GRM1: variants seen among roughly 807,000 people sequenced by gnomAD.
The protein encoded by GRM1 is glutamate metabotropic receptor 1.
Under a neutral mutation model 90.9 loss-of-function variants are expected in GRM1, and 33 were observed. That is an observed-to-expected ratio of 0.36 (90% CI 0.28 to 0.49). The LOEUF is 0.49. Ranked by LOEUF, GRM1 falls within the 20% of genes least tolerant of loss-of-function variation. GRM1 has a pLI of 0.99. For missense variants in GRM1, 1,190 were observed against 1,534.3 expected, an observed-to-expected ratio of 0.78 and a Z score of 3.75; for synonymous variants, 700 against 613.2, an observed-to-expected ratio of 1.14 and a Z score of -2.09.
intron 2 of GRM1, among the ~76,000 whole-genome samples, chr6:146,245,113 T>C (rs1338089663): frequency 6.6e-6 from 1 of 152,196 alleles, no homozygotes; most frequent in African/African-American, 2.4e-5. Flanking sequence ...GTTTACACTT[T>C]AACGACTCCC....
At chr6:146,327,362 G>T (rs921203697) in intron 3 of GRM1, among the ~76,000 whole-genome samples, 1 of 152,104 alleles carries the variant, frequency 6.6e-6, no homozygotes, top group African/African-American at 2.4e-5. Flanking sequence ...CTAGAGGTGG[G>T]CAACAAATAT....
At chr6:146,333,093 A>G (rs1272627085) in intron 3 of GRM1, among the ~76,000 whole-genome samples, 3 of 152,198 alleles carry the variant, frequency 2.0e-5, no homozygotes, top group African/African-American at 7.2e-5. Flanking sequence ...TGAATATTAT[A>G]TGGGACAATG....
intron 7 of GRM1, among the ~76,000 whole-genome samples, chr6:146,415,976 G>T (rs1181846210): frequency 6.6e-6 from 1 of 151,936 alleles, no homozygotes; most frequent in Admixed American, 6.6e-5. Context: ...CTAGAAACAG[G>T]GTCTACTTTG....
At chr6:146,268,588 G>C (rs1446813565) in intron 2 of GRM1, among the ~76,000 whole-genome samples, 2 of 152,088 alleles carry the variant, frequency 1.3e-5, no homozygotes, top group African/African-American at 2.4e-5. Flanking sequence ...GAAAATTCTG[G>C]TGTAGAGATT....
intron 2 of GRM1, among the ~76,000 whole-genome samples, chr6:146,226,941 A>T (rs1370284293): frequency 1.3e-5 from 2 of 152,062 alleles, no homozygotes; most frequent in African/African-American, 4.8e-5. Context: ...ACCCTCAGTA[A>T]ATAGGAGAAC....
intron 2 of GRM1, among the ~76,000 whole-genome samples, chr6:146,203,049 C>A (rs951627222): frequency 4.6e-5 from 7 of 151,818 alleles, no homozygotes; most frequent in African/African-American, 1.5e-4. Flanking sequence ...AAAAAATTAG[C>A]CGGGCGTGGT....
intron 1 of GRM1, among the ~76,000 whole-genome samples, chr6:146,038,429 A>G (rs1025689841): frequency 6.6e-6 from 1 of 152,002 alleles, no homozygotes; most frequent in Admixed American, 6.6e-5. Context: ...TTTATTATAC[A>G]GATAAGATGC....
chr6:146,248,938 T>C (rs1322603870), intron 2 of GRM1, among the ~76,000 whole-genome samples: 2 of 152,172 alleles, frequency 1.3e-5, no homozygotes, highest in Non-Finnish European at 2.9e-5. Flanking sequence ...ATTTTCAGCA[T>C]TTTTCCCCTG....
intron 5 of GRM1, among the ~76,000 whole-genome samples, chr6:146,381,632 C>A (rs1562654269): frequency 6.6e-6 from 1 of 152,090 alleles, no homozygotes; most frequent in Admixed American, 6.6e-5. Flanking sequence ...TTGTTGGTGT[C>A]CTTGGTGGGG....
chr6:146,218,696 C>T (rs915418928), intron 2 of GRM1, among the ~76,000 whole-genome samples: 8 of 152,122 alleles, frequency 5.3e-5, no homozygotes, highest in Admixed American at 3.3e-4. Context: ...TGCCATAAAA[C>T]GTCAGCTTCT....
intron 3 of GRM1, among the ~76,000 whole-genome samples, chr6:146,319,756 C>T (rs1284888905): frequency 6.6e-6 from 1 of 152,128 alleles, no homozygotes; most frequent in Non-Finnish European, 1.5e-5. Flanking sequence ...CATGATTTGG[C>T]TCTCTGTTTG....
intron 3 of GRM1, among the ~76,000 whole-genome samples, chr6:146,337,734 G>A (rs1784824291): frequency 6.6e-6 from 1 of 151,912 alleles, no homozygotes; most frequent in Non-Finnish European, 1.5e-5. Flanking sequence ...ATTAACAAAA[G>A]TGAAAAAATT....
intron 3 of GRM1, among the ~76,000 whole-genome samples, chr6:146,348,380 A>T (rs1306664461): frequency 1.3e-5 from 2 of 152,256 alleles, no homozygotes; most frequent in Non-Finnish European, 1.5e-5. Flanking sequence ...TAAAAGCCAC[A>T]TGACTTTCCA....
Position 146,159,313 on chromosome 6 carries a change from G to C in GRM1, c.701-35G>C, listed in dbSNP as rs746484946. ...TTGTGTAAGTAGTGTTATTGCCACAGTTGTCTTGAACATCTGCTGATTGTT... is the reference window on the plus strand; with the variant it reads ...TTGTGTAAGTAGTGTTATTGCCACACTTGTCTTGAACATCTGCTGATTGTT... On this transcript the variant is annotated intron_variant, in intron 1 of 7. Transcript: ENST00000282753. The C allele has an allele frequency of 7.4e-6, 12 of 1,613,524 alleles. No individual in the cohort carries two copies. In the East Asian group the frequency reaches 2.2e-4, roughly 30 times the overall value.
At chr6:146,426,468 G>C in intron 7 of GRM1, 1 of 1,177,876 alleles carries the variant, frequency 8.5e-7, no homozygotes, top group Non-Finnish European at 1.2e-6. Context: ...AAGGCTCAGG[G>C]CCAGGCACTG....
intron 2 of GRM1, among the ~76,000 whole-genome samples, chr6:146,192,270 G>T (rs570543617): frequency 6.6e-6 from 1 of 152,250 alleles, no homozygotes; most frequent in South Asian, 2.1e-4. Flanking sequence ...GGATAAATGG[G>T]ATTATTATCT....
chr6:146,163,816 T>C (rs1562502586), intron 2 of GRM1, among the ~76,000 whole-genome samples: 1 of 152,212 alleles, frequency 6.6e-6, no homozygotes. Context: ...TTATTCTTTA[T>C]TTCTTTGCAT....
intron 2 of GRM1, among the ~76,000 whole-genome samples, chr6:146,238,920 G>A (rs55785601): frequency 0.095 from 14,450 of 152,110 alleles, 1,821 homozygotes; most frequent in African/African-American, 0.28. Context: ...TGCCCAATAA[G>A]TGCACATTGC....
chr6:146,382,337 AAC>A (rs869206270), intron 5 of GRM1, among the ~76,000 whole-genome samples: 20 of 142,158 alleles, frequency 1.4e-4, no homozygotes, highest in Non-Finnish European at 1.9e-4. Flanking sequence ...AAAAAAAAAA[AAC>A]AACTTGTCTG....
Sources: allele counts gnomAD v4.1 joint callset (sites outside exome capture counted in the v4.1 genomes callset), GRCh38; gene constraint gnomAD v4.1.1; transcripts MANE v1.5; gene names NCBI Gene and HGNC (gene_info 2026-07-23, HGNC 2026-07-21).